MAPK8IP3: variants seen among roughly 807,000 people sequenced by gnomAD.
MAPK8IP3 encodes the protein C-Jun-amino-terminal kinase-interacting protein 3.
In MAPK8IP3, 49 loss-of-function variants were observed where a neutral mutation model predicts 157.8. That is an observed-to-expected ratio of 0.31 (90% CI 0.25 to 0.39). The LOEUF (loss-of-function observed/expected upper bound fraction) is 0.39. Ranked by LOEUF, MAPK8IP3 falls within the 10% of genes least tolerant of loss-of-function variation. The probability of loss-of-function intolerance (pLI) is 1.00; values close to 1 mark genes in which losing one functional copy is unlikely to be tolerated. For synonymous variants in MAPK8IP3, 897 were observed against 777.7 expected, an observed-to-expected ratio of 1.15 and a Z score of -2.55; for missense variants, 1,478 against 1,889.4, an observed-to-expected ratio of 0.78 and a Z score of 4.04.
intron 1 of MAPK8IP3, among the ~76,000 whole-genome samples, chr16:1,715,958 C>T (rs2038120147): frequency 6.6e-6 from 1 of 152,038 alleles, no homozygotes; most frequent in African/African-American, 2.4e-5. Flanking sequence ...AACTCCTGAC[C>T]TCACGTGATC....
chr16:1,725,149 T>TTATTATTA (rs2038787006), intron 2 of MAPK8IP3, among the ~76,000 whole-genome samples: 3 of 144,468 alleles, frequency 2.1e-5, no homozygotes, highest in South Asian at 2.2e-4. Flanking sequence ...GCAGAAAGGG[T>TTATTATTA]TTATTATTAT....
intron 4 of MAPK8IP3, among the ~76,000 whole-genome samples, chr16:1,739,096 CTG>C (rs1177964213): frequency 3.3e-5 from 4 of 122,808 alleles, no homozygotes; most frequent in East Asian, 5.4e-4. Context: ...ATGTGAGCAT[CTG>C]TGTGACCGTC....
intron 2 of MAPK8IP3, among the ~76,000 whole-genome samples, chr16:1,728,698 A>G (rs1250308534): frequency 2.0e-5 from 3 of 146,914 alleles, no homozygotes; most frequent in Non-Finnish European, 4.4e-5. Context: ...AGCCCCCCAG[A>G]CGGCCTTCAC....
chr16:1,752,559 A>G, intron 8 of MAPK8IP3: 1 of 334,088 alleles, frequency 3.0e-6, no homozygotes, highest in South Asian at 2.2e-5. Flanking sequence ...CCTGGTCAAC[A>G]TAGCGAGACC....
At chr16:1,723,586 G>T (rs1019724835) in intron 1 of MAPK8IP3, among the ~76,000 whole-genome samples, 3 of 152,164 alleles carry the variant, frequency 2.0e-5, no homozygotes, top group Non-Finnish European at 4.4e-5. Flanking sequence ...CACCACTGCA[G>T]TCCAGCCTCA....
chr16:1,738,051 C>T (rs1402214344), intron 4 of MAPK8IP3, among the ~76,000 whole-genome samples: 2 of 74,360 alleles, frequency 2.7e-5, no homozygotes, highest in African/African-American at 5.8e-5. Context: ...TGTGACCGTC[C>T]GTGTGAGTGT....
rs779844579 is a variant in MAPK8IP3 at position 1,764,493 on chromosome 16, T to C, written c.2280+34T>C. ...GGCCGAGGCCACCGGGCACCCTCCC[T>C]GGCTTAGTCTCAGGACAGCTCAGCT... is the stretch of plus-strand genomic sequence containing the variant. On this transcript the variant is annotated intron_variant, in intron 19 of 31. Coordinates refer to ENST00000610761, the MANE Select transcript of MAPK8IP3 (RefSeq NM_001318852.2). The C allele has an allele frequency of 1.3e-5, 20 of 1,599,298 alleles. No individual in the cohort carries two copies. In the African/African-American group the frequency reaches 2.7e-4, roughly 21 times the overall value.
In MAPK8IP3 at chr16:1,742,093, A is replaced by G. The variant is rs2141843065; in HGVS notation, c.603-1239A>G. Among the ~76,000 whole-genome samples the G allele has an allele frequency of 6.6e-6, 1 of 152,196 alleles. No individual in the cohort carries two copies. The highest frequency in any genetic ancestry group is 2.4e-5 in the African/African-American group (1 of 41,532). On this transcript the variant is annotated intron_variant, in intron 4 of 31. Transcript: ENST00000610761. This position sits in a 1 kb window ranked among gnomAD's most constrained non-coding sequence, Gnocchi z 5.0. The stretch of plus-strand genomic sequence containing the variant: ...ATGTAAGCAGCTGAGGCTGTGGTGC[A>G]AGCAGACTCTTAATTCTTGTCCTGA...
chr16:1,763,994 C>T, intron 17 of MAPK8IP3, 121 bp from the exon 18 acceptor site: 2 of 1,127,486 alleles, frequency 1.8e-6, no homozygotes, highest in South Asian at 1.6e-5. Context: ...CACGCCCCCA[C>T]CTGCCTCCAG....
chr16:1,714,480 G>T (rs1314692456), intron 1 of MAPK8IP3, among the ~76,000 whole-genome samples: 2 of 152,220 alleles, frequency 1.3e-5, no homozygotes, highest in African/African-American at 4.8e-5. Flanking sequence ...TCTCCTCCGT[G>T]TGGTGCGTTT....
chr16:1,721,121 T>C (rs2038490766), intron 1 of MAPK8IP3, among the ~76,000 whole-genome samples: 1 of 151,514 alleles, frequency 6.6e-6, no homozygotes, highest in South Asian at 2.1e-4. Flanking sequence ...GTGGATCACC[T>C]AAGGTCAAGA....
intron 6 of MAPK8IP3, 152 bp from the exon 7 acceptor site, chr16:1,748,092 A>C: frequency 1.6e-6 from 1 of 627,022 alleles, no homozygotes; most frequent in South Asian, 1.9e-5. Flanking sequence ...ACCTCTGCCC[A>C]GTCAGCCTGG....
rs1378446316 is a variant in MAPK8IP3 at position 1,764,230 on chromosome 16, G to C, written c.2121+20G>C. 5 of 1,605,736 alleles carry C rather than the reference G, an allele frequency of 3.1e-6. No individual in the cohort carries two copies. In the African/African-American group the frequency reaches 6.7e-5, roughly 21 times the overall value. On this transcript the variant is annotated intron_variant, in intron 18 of 31. Transcript: ENST00000610761. ...ATGAAGGTGAGCCCGCGAGGACCCC[G>C]CTCAGGCTGGCTGGGCGAGCGGGAG... is the stretch of plus-strand genomic sequence containing the variant.
intron 16 of MAPK8IP3, 54 bp downstream of exon 16, chr16:1,763,060 G>T (rs1159204678): frequency 2.5e-6 from 4 of 1,598,838 alleles, no homozygotes; most frequent in Non-Finnish European, 3.4e-6. Context: ...GGGAGGCCCT[G>T]TCCTGAGGCT....
chr16:1,727,329 C>T (rs1417108784), intron 2 of MAPK8IP3, among the ~76,000 whole-genome samples: 1 of 148,686 alleles, frequency 6.7e-6, no homozygotes, highest in Admixed American at 6.7e-5. Context: ...TGTGCGGCGT[C>T]TGTGTGAGTC....
Position 1,764,156 on chromosome 16 carries a change from C to A in MAPK8IP3, c.2067C>A (p.Asn689Lys), listed in dbSNP as rs369023415. 2 of 1,611,760 alleles carry A rather than the reference C, an allele frequency of 1.2e-6. No homozygotes were observed. Among genetic ancestry groups the A allele is most frequent in the Non-Finnish European group, 1.7e-6 (2 of 1,179,550 alleles). Reference protein sequence around the residue: ...NGGQEDTRMKNVPVPVYCRPL... With the variant: ...NGGQEDTRMKKVPVPVYCRPL... ...GCCAGGAGGACACGCGGATGAAGAA[C>A]GTGCCGGTGCCGGTGTACTGCCGCC... The change falls in exon 18 of 32, where the codon AAC becomes AAA. Residue 689 changes from asparagine to lysine, a missense_variant. Transcript: ENST00000610761.
intron 26 of MAPK8IP3, 122 bp downstream of exon 26, chr16:1,767,419 T>C (rs1277473090): frequency 6.6e-7 from 1 of 1,506,234 alleles, no homozygotes; most frequent in Non-Finnish European, 9.1e-7. Context: ...GTACCACCTA[T>C]GACTCAGGCT....
At position 1,760,502 on chromosome 16, in the gene MAPK8IP3, G is replaced by A. The variant is rs758533722; in HGVS notation, c.1427G>A (p.Arg476His). The A allele has an allele frequency of 3.1e-5, 50 of 1,613,464 alleles. No homozygotes were observed. The highest frequency in any genetic ancestry group is 1.5e-4 in the African/African-American group (11 of 74,928). ...CAGGCCAAAGTCAAGCTGGAAAACC[G>A]TATCAAGGAGCTGGAAGAGGAACTG... The part of the protein sequence containing the change: ...AKQAKVKLEN[R>H]IKELEEELKR... The change falls in exon 12 of 32, where the codon CGT becomes CAT. Residue 476 changes from arginine to histidine, a missense_variant. Around this residue, in one of 11 missense-constraint regions of MAPK8IP3, gnomAD observed 96 missense variants for 106.3 expected, o/e 0.90. Coordinates refer to ENST00000610761, the MANE Select transcript of MAPK8IP3 (RefSeq NM_001318852.2).
chr16:1,748,047 G>A (rs2041076234), intron 6 of MAPK8IP3, among the ~76,000 whole-genome samples, 197 bp from the exon 7 acceptor site: 1 of 152,166 alleles, frequency 6.6e-6, no homozygotes. Context: ...CCCCGCTCCA[G>A]GCCCCGCCTC....
Sources: allele counts gnomAD v4.1 joint callset (sites outside exome capture counted in the v4.1 genomes callset), GRCh38; gene constraint gnomAD v4.1.1; regional missense constraint gnomAD v4.1.1; non-coding constraint Gnocchi (gnomAD v3.1); transcripts MANE v1.5; gene names NCBI Gene and HGNC (gene_info 2026-07-23, HGNC 2026-07-21).